Variants in FSD1L observed in about 807,000 individuals in gnomAD.
FSD1L encodes the protein FSD1-like protein.
FSD1L carries 45 observed loss-of-function variants against 71.6 expected under a neutral mutation model. The observed-to-expected ratio is 0.63, with a 90% confidence interval of 0.49 to 0.81. The LOEUF is 0.81. FSD1L is among the 30% of genes least tolerant of loss of function. The pLI is 0.00. For missense variants in FSD1L, 561 were observed against 618.1 expected (o/e 0.91, Z 0.98); for synonymous variants, 197 against 207.2 (o/e 0.95, Z 0.42).
chr9:105,502,636 C>T (rs1159870195), intron 7 of FSD1L, among the ~76,000 whole-genome samples: 1 of 152,076 alleles, frequency 6.6e-6, no homozygotes, highest in African/African-American at 2.4e-5. Context: ...AGAGAGTGCA[C>T]ATACACATAG....
intron 13 of FSD1L, 149 bp downstream of exon 13, chr9:105,539,500 A>T: frequency 2.3e-6 from 1 of 430,794 alleles, no homozygotes; most frequent in Non-Finnish European, 4.1e-6. Context: ...ACCCTCTCCC[A>T]AATCTGTGAT....
chr9:105,522,002 G>A (rs766341668), intron 10 of FSD1L: 37 of 1,613,148 alleles, frequency 2.3e-5, no homozygotes, highest in Non-Finnish European at 3.1e-5. Context: ...AACACATGCT[G>A]CTTGTGTTGC....
At chr9:105,494,834 T>A (rs1307292976) in intron 7 of FSD1L, among the ~76,000 whole-genome samples, 1 of 152,124 alleles carries the variant, frequency 6.6e-6, no homozygotes, top group Non-Finnish European at 1.5e-5. Flanking sequence ...GAACCGCAAA[T>A]GCTGCTGTCT....
At chr9:105,484,971 G>A (rs1332281543) in intron 7 of FSD1L, among the ~76,000 whole-genome samples, 1 of 152,048 alleles carries the variant, frequency 6.6e-6, no homozygotes, top group African/African-American at 2.4e-5. Flanking sequence ...TGAATGTTAG[G>A]TGTTATCATT....
intron 1 of FSD1L, among the ~76,000 whole-genome samples, chr9:105,452,736 C>T (rs1450996001): frequency 2.4e-5 from 3 of 127,432 alleles, no homozygotes; most frequent in Non-Finnish European, 5.0e-5. Context: ...CTTTCCTCCT[C>T]TCCTCTCCTC....
intron 7 of FSD1L, among the ~76,000 whole-genome samples, chr9:105,501,663 G>C (rs1241968846): frequency 6.6e-6 from 1 of 150,998 alleles, no homozygotes; most frequent in Non-Finnish European, 1.5e-5. Flanking sequence ...CAAACTCCTG[G>C]CCTCAAGCCA....
upstream of FSD1L, chr9:105,447,956 A>G: frequency 3.7e-6 from 2 of 533,872 alleles, no homozygotes; most frequent in Non-Finnish European, 6.6e-6. Flanking sequence ...CCCACCCTCC[A>G]CGGCTACTTC....
At chr9:105,478,687 A>G (rs1831974314) in intron 5 of FSD1L, among the ~76,000 whole-genome samples, 1 of 152,030 alleles carries the variant, frequency 6.6e-6, no homozygotes, top group South Asian at 2.1e-4. Flanking sequence ...GACAAAAGAG[A>G]TACCTTATAT....
intron 1 of FSD1L, among the ~76,000 whole-genome samples, chr9:105,459,812 A>G (rs1199209002): frequency 1.3e-5 from 2 of 152,178 alleles, no homozygotes; most frequent in Non-Finnish European, 2.9e-5. Flanking sequence ...TTCTGATAGC[A>G]TCTCAGTGGT....
At chr9:105,493,067 G>C (rs1391187029) in intron 7 of FSD1L, among the ~76,000 whole-genome samples, 3 of 152,128 alleles carry the variant, frequency 2.0e-5, no homozygotes, top group Admixed American at 6.5e-5. Context: ...TTAACTTTCT[G>C]TCTCGTTGAT....
At chr9:105,495,365 T>C in intron 7 of FSD1L, among the ~76,000 whole-genome samples, 1 of 152,206 alleles carries the variant, frequency 6.6e-6, no homozygotes, top group South Asian at 2.1e-4. Context: ...AGTGCAGTAT[T>C]GGGGTGGGAA....
intron 7 of FSD1L, among the ~76,000 whole-genome samples, chr9:105,493,788 G>A (rs1056083390): frequency 6.6e-6 from 1 of 152,060 alleles, no homozygotes; most frequent in Non-Finnish European, 1.5e-5. Flanking sequence ...ATGAAATTCT[G>A]GGTTGAAAAT....
chr9:105,481,805 C>T (rs1445380790), intron 6 of FSD1L, among the ~76,000 whole-genome samples: 2 of 150,796 alleles, frequency 1.3e-5, no homozygotes, highest in South Asian at 2.1e-4. Flanking sequence ...CAGGGTCTTG[C>T]TCCATCACCC....
At position 105,527,297 on chromosome 9, in the gene FSD1L, T is replaced by G. The variant is rs543210541; in HGVS notation, c.1026-7196T>G. On this transcript the variant is annotated intron_variant, in intron 10 of 13. Transcript: ENST00000481272. ...TGGCTGCTAGATCCTGGTGTTTCTA[T>G]GTTCTTTTTTAAGCACCAAAAAGAA... 1.4e-3 allele frequency among the ~76,000 whole-genome samples: 208 copies of G among 150,786 alleles called. 3 individuals are homozygous for G. Among genetic ancestry groups the G allele is most frequent in the African/African-American group, 4.8e-3 (196 of 40,980 alleles).
intron 7 of FSD1L, among the ~76,000 whole-genome samples, chr9:105,493,906 C>T (rs1214228336): frequency 6.6e-6 from 1 of 152,158 alleles, no homozygotes; most frequent in African/African-American, 2.4e-5. Context: ...GTGGATAACC[C>T]GACCTTTCTC....
chr9:105,521,135 A>C, intron 10 of FSD1L: 1 of 1,613,844 alleles, frequency 6.2e-7, no homozygotes, highest in Non-Finnish European at 8.5e-7. Context: ...TCTATTGTAC[A>C]AAGGAGCCTT....
At chr9:105,477,329 C>T (rs761825082) in intron 5 of FSD1L, among the ~76,000 whole-genome samples, 2 of 152,110 alleles carry the variant, frequency 1.3e-5, no homozygotes, top group African/African-American at 4.8e-5. Context: ...GAAAAGATGG[C>T]TTTTGTTATT....
rs764039006 is a variant in FSD1L at position 105,468,201 on chromosome 9, G to A, written c.216G>A (p.Ser72=). Reference sequence around the variant, plus strand: ...TTTTGTTTTTTAAACAGGAAAATTCGTCCAACATACTCTCAGAGTTAGATG... The same window carrying A: ...TTTTGTTTTTTAAACAGGAAAATTCATCCAACATACTCTCAGAGTTAGATG... ...HHTLKGVQEN[S]SNILSELDEE... Residue 72 remains serine, a synonymous_variant, in exon 4 of 14, where the codon TCG becomes TCA. Transcript: ENST00000481272. 1.6e-5 allele frequency: 22 copies of A among 1,395,032 alleles called. 1 individual carries two copies. Among genetic ancestry groups the A allele is most frequent in the African/African-American group, 1.1e-4 (7 of 65,420 alleles). 86.4% of individuals were successfully genotyped at this position (1,395,032 alleles called of 1,614,324 possible).
intron 10 of FSD1L, chr9:105,524,533 A>AT (rs1486280043): frequency 6.2e-7 from 1 of 1,613,848 alleles, no homozygotes; most frequent in East Asian, 2.2e-5. Context: ...TCTGTTCTCA[A>AT]TTGCATTTAT....
Sources: allele counts gnomAD v4.1 joint callset (sites outside exome capture counted in the v4.1 genomes callset), GRCh38; gene constraint gnomAD v4.1.1; transcripts MANE v1.5; gene names NCBI Gene and HGNC (gene_info 2026-07-23, HGNC 2026-07-21).